DNAI1: variants seen among roughly 807,000 people sequenced by gnomAD.
DNAI1 encodes the protein dynein, axonemal, intermediate polypeptide 1.
In DNAI1, 67 loss-of-function variants were observed where a neutral mutation model predicts 92.0. The ratio of observed to expected loss-of-function variants is 0.73; its 90% CI spans 0.60 to 0.89. DNAI1 has a LOEUF of 0.89. Among genes scored for constraint, DNAI1 ranks in the 40% least tolerant of loss-of-function variants. DNAI1 has a pLI of 0.00. For missense variants in DNAI1, 839 were observed against 866.6 expected, an observed-to-expected ratio of 0.97 and a Z score of 0.40; for synonymous variants, 323 against 319.6, an observed-to-expected ratio of 1.01 and a Z score of -0.11.
Position 34,485,176 on chromosome 9 carries a change from C to T in DNAI1, c.116C>T (p.Thr39Ile). 6.2e-7 allele frequency: 1 copy of T among 1,614,176 alleles called. No individual in the cohort carries two copies. Among genetic ancestry groups the T allele is most frequent in the South Asian group, 1.1e-5 (1 of 91,082 alleles). ...TCAGGGACTGAAGTGGGAGAAGGCA[C>T]AGATGAATGGGCCCAATCCAAAGCC... Reference protein sequence around the residue: ...EDSGTEVGEGTDEWAQSKATV... With the variant: ...EDSGTEVGEGIDEWAQSKATV... Residue 39 changes from threonine (T) to isoleucine (I), a missense_variant, in exon 3 of 20, where the codon ACA (threonine) becomes ATA (isoleucine). Physicochemically the swap from Thr to Ile is moderately conservative, Grantham distance 89 (BLOSUM62 -1). Transcript: ENST00000242317.
At chr9:34,475,862 G>A (rs955064704) in intron 1 of DNAI1, among the ~76,000 whole-genome samples, 8 of 152,104 alleles carry the variant, frequency 5.3e-5, no homozygotes, top group Admixed American at 3.3e-4. Context: ...GTAGAGAACA[G>A]CTTAAGAATT....
At chr9:34,473,948 G>C (rs560562960) in intron 1 of DNAI1, among the ~76,000 whole-genome samples, 1 of 151,962 alleles carries the variant, frequency 6.6e-6, no homozygotes, top group Non-Finnish European at 1.5e-5. Flanking sequence ...GGTTGGTCTC[G>C]AACTCCTGGA....
chr9:34,489,876 G>T, intron 5 of DNAI1, 136 bp from the exon 6 acceptor site: 1 of 1,335,216 alleles, frequency 7.5e-7, no homozygotes, highest in South Asian at 1.3e-5. Context: ...ATAGCTGGTT[G>T]TCCTGAATAG....
chr9:34,506,882 A>T lies in DNAI1; in HGVS notation c.1311+8A>T. On this transcript the variant is annotated splice_region_variant and intron_variant, in intron 13 of 19. Transcript: ENST00000242317. ...TCAGACCCTGTGTGGCAGGTCAGCA[A>T]CCAGGCTGGGAGGGGTGGGGATGGG... 1 of 1,613,200 alleles carries T rather than the reference A, an allele frequency of 6.2e-7. No homozygotes were observed. Among genetic ancestry groups the T allele is most frequent in the Non-Finnish European group, 8.5e-7 (1 of 1,179,672 alleles).
At chr9:34,460,569 G>T (rs1823932642) in intron 1 of DNAI1, among the ~76,000 whole-genome samples, 1 of 152,228 alleles carries the variant, frequency 6.6e-6, no homozygotes, top group South Asian at 2.1e-4. Context: ...CTAATTTTAT[G>T]TTGGGGTTGG....
intron 8 of DNAI1, 131 bp from the exon 9 acceptor site, chr9:34,493,063 C>T: frequency 8.1e-7 from 1 of 1,239,858 alleles, no homozygotes; most frequent in Non-Finnish European, 1.2e-6. Flanking sequence ...TACCTAATTC[C>T]AACAGGCCAA....
rs1411936858 is a variant in DNAI1 at position 34,491,638 on chromosome 9, T to A, written c.681+84T>A. 1.0e-5 allele frequency: 15 copies of A among 1,464,886 alleles called. No individual in the cohort carries two copies. In the African/African-American group the frequency reaches 1.5e-4, roughly 15 times the overall value. 90.7% of individuals were successfully genotyped at this position (1,464,886 alleles called of 1,614,324 possible). A position where few individuals can be genotyped will look rare whatever the true frequency, so the allele number is the denominator to read the frequency against. On this transcript the variant is annotated intron_variant, in intron 8 of 19. Transcript: ENST00000242317. ...ATTTAGCAGCAAAGGCAACACTGGG[T>A]CAAGGGCTCCTCTGGCAGTCTGCCC...
intron 11 of DNAI1, 79 bp downstream of exon 11, chr9:34,500,918 T>C: frequency 8.5e-7 from 1 of 1,178,876 alleles, no homozygotes; most frequent in Non-Finnish European, 1.3e-6. Flanking sequence ...CCTTCTGCAC[T>C]TAACCACCTT....
intron 12 of DNAI1, among the ~76,000 whole-genome samples, chr9:34,501,463 C>T (rs551123114): frequency 3.5e-4 from 54 of 152,324 alleles, no homozygotes; most frequent in African/African-American, 1.2e-3. Flanking sequence ...GGCTTGGAGG[C>T]ATGAGGAATA....
chr9:34,478,031 C>T (rs142669289), intron 1 of DNAI1, among the ~76,000 whole-genome samples: 61 of 148,916 alleles, frequency 4.1e-4, no homozygotes, highest in African/African-American at 1.4e-3. Flanking sequence ...ACGTTACAGG[C>T]GTGCACCACC....
intron 8 of DNAI1, among the ~76,000 whole-genome samples, chr9:34,492,480 G>T (rs1305322213): frequency 2.0e-4 from 19 of 94,028 alleles, no homozygotes; most frequent in African/African-American, 7.3e-4. Flanking sequence ...CGGGGTGGGG[G>T]TGGGGATATG....
chr9:34,483,116 A>C (rs1483153928), intron 1 of DNAI1, among the ~76,000 whole-genome samples: 1 of 151,962 alleles, frequency 6.6e-6, no homozygotes, highest in African/African-American at 2.4e-5. Context: ...CAAGCACCGC[A>C]CTCAGCCCCG....
chr9:34,462,757 C>T (rs1823973043), intron 1 of DNAI1, among the ~76,000 whole-genome samples: 1 of 152,068 alleles, frequency 6.6e-6, no homozygotes, highest in Non-Finnish European at 1.5e-5. Context: ...CAAATTTGAA[C>T]CACAAGTATC....
At chr9:34,512,298 C>G (rs779479918) in intron 14 of DNAI1, 39 bp from the exon 15 acceptor site, 1 of 1,612,062 alleles carries the variant, frequency 6.2e-7, no homozygotes, top group Admixed American at 1.7e-5. Flanking sequence ...GCCCAACCCA[C>G]GTGCCCTCCC....
rs1052533123 is a variant in DNAI1 at position 34,513,011 on chromosome 9, C to T, written c.1490-101C>T. The T allele has an allele frequency of 1.4e-4, 132 of 952,742 alleles. 1 individual carries two copies. The highest frequency in any genetic ancestry group is 2.8e-4 in the South Asian group (22 of 77,394). The allele number at this position is 952,742 out of a possible 1,614,324, so 59.0% of individuals were successfully genotyped here. On this transcript the variant is annotated intron_variant, in intron 15 of 19. Coordinates refer to ENST00000242317, the MANE Select transcript of DNAI1 (RefSeq NM_012144.4). ...TCAGTCTGTCCTGCGCTGAGTCCTG[C>T]GCTGAGAGTGCCTGGGCTGAGCTCC...
At chr9:34,487,788 A>G (rs937527082) in intron 4 of DNAI1, among the ~76,000 whole-genome samples, 1 of 152,086 alleles carries the variant, frequency 6.6e-6, no homozygotes, top group Non-Finnish European at 1.5e-5. Flanking sequence ...CAACCTCCCA[A>G]TAGCCTCCCG....
chr9:34,493,299 A>T lies in DNAI1; in HGVS notation c.787A>T (p.Met263Leu), dbSNP rs750194621. ...GGCTAAAAAATCAGGGAAGATGGCC[A>T]TGAGGAAGCTGACATCTATGGAGTC... ...PVAKKSGKMA[M>L]RKLTSMESQT... The change falls in exon 9 of 20, where the codon ATG becomes TTG. Residue 263 changes from methionine to leucine, a missense_variant. By Grantham distance (15) the Met-to-Leu change is conservative. Transcript: ENST00000242317. The T allele has an allele frequency of 1.2e-6, 2 of 1,614,034 alleles. No individual in the cohort carries two copies. The highest frequency in any genetic ancestry group is 1.7e-6 in the Non-Finnish European group (2 of 1,179,976).
At chr9:34,500,907 C>G (rs935656322) in intron 11 of DNAI1, 68 bp downstream of exon 11, 1 of 1,251,816 alleles carries the variant, frequency 8.0e-7, no homozygotes, top group Non-Finnish European at 1.2e-6. Flanking sequence ...CCCCAGTACC[C>G]CCTTCTGCAC....
rs976685507 is a variant in DNAI1 at position 34,493,272 on chromosome 9, G to A, written c.760G>A (p.Val254Met). ...AGAGAAGGAGAAGGCAAAGACCCCA[G>A]TGGCTAAAAAATCAGGGAAGATGGC... ...TKEKEKAKTP[V>M]AKKSGKMAMR... The change falls in exon 9 of 20, where the codon GTG becomes ATG. Residue 254 changes from valine (V) to methionine (M), a missense_variant. Physicochemically the swap from Val to Met is conservative, Grantham distance 21. Transcript: ENST00000242317. 2 of 1,614,064 alleles carry A rather than the reference G, an allele frequency of 1.2e-6. No individual in the cohort carries two copies. The highest frequency in any genetic ancestry group is 2.7e-5 in the African/African-American group (2 of 74,922).
Sources: gnomAD v4.1 joint callset for allele counts (sites outside exome capture counted in the v4.1 genomes callset) on GRCh38, gnomAD v4.1.1 for gene constraint, MANE v1.5 for transcripts, NCBI Gene and HGNC (gene_info 2026-07-23, HGNC 2026-07-21) for gene names.